ZXDC: variants seen among roughly 807,000 people sequenced by gnomAD.
ZXDC encodes ZXD family zinc finger C.
ZXDC carries 58 observed loss-of-function variants against 63.6 expected under a neutral mutation model. That is an observed-to-expected ratio of 0.91 (90% CI 0.74 to 1.13). The LOEUF (loss-of-function observed/expected upper bound fraction) is 1.13, where lower values mean the gene tolerates loss of function less well. Among genes scored for constraint, ZXDC ranks in the 50% most tolerant of loss-of-function variants. The pLI is 0.00. For synonymous variants in ZXDC, 561 were observed against 496.1 expected (o/e 1.13, Z -1.74); for missense variants, 1,133 against 1,148.9 (o/e 0.99, Z 0.20).
At position 126,461,841 on chromosome 3, in the gene ZXDC, T is replaced by G; in HGVS notation, c.1821A>C (p.Gly607=). ...SVDDVQTVSA[G]ALGCLVALPM... is the part of the protein sequence containing the mutation. ...GCAGAGCCACCAGACAGCCTAATGC[T>G]CCTGCACTCACAGTCTGCACGTCAT... is the stretch of plus-strand genomic sequence containing the variant. The change falls in exon 6 of 10, where the codon GGA becomes GGC. Residue 607 remains glycine (G), a synonymous_variant. Transcript: ENST00000389709. 6.2e-7 allele frequency: 1 copy of G among 1,614,134 alleles called. No individual in the cohort carries two copies. The highest frequency in any genetic ancestry group is 8.5e-7 in the Non-Finnish European group (1 of 1,180,028).
chr3:126,450,218 C>T (rs1237778329), intron 7 of ZXDC: 19 of 411,528 alleles, frequency 4.6e-5, no homozygotes, highest in Admixed American at 2.3e-4. Flanking sequence ...ACCTTGCTCA[C>T]CCTTTACCTG....
At chr3:126,453,643 C>T in intron 7 of ZXDC, 3 of 985,412 alleles carry the variant, frequency 3.0e-6, no homozygotes, top group Non-Finnish European at 3.6e-6. Flanking sequence ...AGAGCTCAAA[C>T]TTATAAACAC....
rs779869003 is a variant in ZXDC at position 126,470,887 on chromosome 3, A to C, written c.1270+8T>G. On this transcript the variant is annotated splice_region_variant and intron_variant, in intron 4 of 9. Transcript: ENST00000389709. Reference sequence around the variant, plus strand: ...GTTTACTGCTCAAAGCAATGTTTTAAAATCTACCTTCCACAGGACACTCGA... The same window carrying C: ...GTTTACTGCTCAAAGCAATGTTTTACAATCTACCTTCCACAGGACACTCGA... The C allele has an allele frequency of 6.2e-7, 1 of 1,613,808 alleles. No individual in the cohort carries two copies. Among genetic ancestry groups the C allele is most frequent in the Admixed American group, 1.7e-5 (1 of 59,960 alleles).
In ZXDC at chr3:126,438,169, A is replaced by C. The variant is rs533341355; in HGVS notation, c.*206T>G. On this transcript the variant is annotated 3_prime_UTR_variant, in exon 10 of 10. Transcript: ENST00000389709. ...GCCTTGCCAAAGCACTTTGCTCACA[A>C]AGGCAGTTTCAAAGAGTATAGCCCG... is the stretch of plus-strand genomic sequence containing the variant. 16 of 594,892 alleles carry C rather than the reference A, an allele frequency of 2.7e-5. No individual in the cohort carries two copies. In the East Asian group the frequency reaches 3.9e-4, roughly 15 times the overall value. The allele number at this position is 594,892 out of a possible 1,614,324, so 36.9% of individuals were successfully genotyped here. A position where few individuals can be genotyped will look rare whatever the true frequency, so the allele number is the denominator to read the frequency against.
rs151063632 is a variant in ZXDC at position 126,448,358 on chromosome 3, G to A, written c.2213-6412C>T. Among the ~76,000 whole-genome samples the A allele has an allele frequency of 4.9e-3, 749 of 152,290 alleles. 7 individuals are homozygous for A. The highest frequency in any genetic ancestry group is 0.037 in the East Asian group (194 of 5,186). ...GGAGCTTACAGCTGCTGGCTGGTGC[G>A]CTCAGTACAGCCGTGCATTTTGCAG... On this transcript the variant is annotated intron_variant, in intron 7 of 9. Transcript: ENST00000389709.
intron 8 of ZXDC, chr3:126,440,040 C>A: frequency 8.3e-7 from 1 of 1,199,854 alleles, no homozygotes; most frequent in Non-Finnish European, 1.0e-6. Context: ...CAACTCCTTG[C>A]AGGTGCCCTG....
At chr3:126,452,200 G>GCCTT in intron 7 of ZXDC, 9 of 985,392 alleles carry the variant, frequency 9.1e-6, no homozygotes, top group Non-Finnish European at 1.1e-5. Context: ...AGCTGCCACA[G>GCCTT]CCTTGCGTGA....
chr3:126,453,156 T>C, intron 7 of ZXDC: 1 of 985,472 alleles, frequency 1.0e-6, no homozygotes, highest in African/African-American at 1.7e-5. Flanking sequence ...TCTGAATGAT[T>C]ACTTGTTTTC....
chr3:126,447,257 A>C (rs1933917464), intron 7 of ZXDC, among the ~76,000 whole-genome samples: 1 of 152,180 alleles, frequency 6.6e-6, no homozygotes, highest in Admixed American at 6.5e-5. Flanking sequence ...TAGCTGGCAG[A>C]CCCTACACAG....
At position 126,472,136 on chromosome 3, in the gene ZXDC, G is replaced by A. The variant is rs762303850; in HGVS notation, c.1060+17C>T. The A allele has an allele frequency of 7.5e-6, 12 of 1,608,478 alleles. No homozygotes were observed. The highest frequency in any genetic ancestry group is 1.6e-4 in the Middle Eastern group (1 of 6,068). Reference sequence around the variant, plus strand: ...CAAATCTTGGGTCCAAATGCTGTGCGTTCCCTAGCTCATTACCTGTATGGC... The same window carrying A: ...CAAATCTTGGGTCCAAATGCTGTGCATTCCCTAGCTCATTACCTGTATGGC... On this transcript the variant is annotated intron_variant, in intron 2 of 9. Coordinates refer to ENST00000389709, the MANE Select transcript of ZXDC (RefSeq NM_025112.5).
At chr3:126,453,291 C>T in intron 7 of ZXDC, 1 of 985,294 alleles carries the variant, frequency 1.0e-6, no homozygotes, top group Non-Finnish European at 1.2e-6. Context: ...TTTAATTGCT[C>T]AGACAGAAAA....
In ZXDC at chr3:126,438,408, T is replaced by A. The variant is rs762889714; in HGVS notation, c.2544A>T (p.Pro848=). 1 of 1,613,800 alleles carries A rather than the reference T, an allele frequency of 6.2e-7. No individual in the cohort carries two copies. The part of the protein sequence containing the change: ...GPAGPEATQF[P]GSTINLQDLQ ...GATCCTGCAGGTTGATAGTGCTTCC[T>A]GGGAACTGGGTGGCCTCCGGTCCAG... The change falls in exon 10 of 10, where the codon CCA becomes CCT. Residue 848 remains proline (P), a synonymous_variant. Transcript: ENST00000389709.
At position 126,466,238 on chromosome 3, in the gene ZXDC, C is replaced by T; in HGVS notation, c.1358G>A (p.Cys453Tyr). ...GAGTCTGTTGCAGGTAGAAACTGGGCAACGGCTTTTCGGAGCACCCACATC... is the reference window on the plus strand; with the variant it reads ...GAGTCTGTTGCAGGTAGAAACTGGGTAACGGCTTTTCGGAGCACCCACATC... The part of the protein sequence containing the change: ...VQDVGAPKSR[C>Y]PVSTCNRLFT... Residue 453 changes from cysteine to tyrosine, a missense_variant, in exon 5 of 10, where the codon TGC becomes TAC. Cys to Tyr is a radical substitution (Grantham distance 194). Transcript: ENST00000389709. The T allele has an allele frequency of 1.2e-6, 2 of 1,614,210 alleles. No individual in the cohort carries two copies. The highest frequency in any genetic ancestry group is 1.7e-6 in the Non-Finnish European group (2 of 1,180,038).
At chr3:126,438,621 T>TG (rs11444454) in intron 9 of ZXDC, among the ~76,000 whole-genome samples, 160 bp from the exon 10 acceptor site, 87,355 of 152,100 alleles carry the variant, frequency 0.57, 26,133 homozygotes, top group African/African-American at 0.76. Context: ...TGTTCTTTGA[T>TG]GAAAAATGAA....
In ZXDC at chr3:126,475,193, G is replaced by C; in HGVS notation, c.673C>G (p.Leu225Val). The C allele has an allele frequency of 6.3e-7, 1 of 1,591,228 alleles. No individual in the cohort carries two copies. The highest frequency in any genetic ancestry group is 8.6e-7 in the Non-Finnish European group (1 of 1,168,950). Reference sequence around the variant, plus strand: ...TCGTGCGACTGCAGGTGCCGCTTGAGCTTGTAGGACGTTGTGAAGGCCCAA... The same window carrying C: ...TCGTGCGACTGCAGGTGCCGCTTGACCTTGTAGGACGTTGTGAAGGCCCAA... ...CGWAFTTSYK[L>V]KRHLQSHDKL... Residue 225 changes from leucine (L) to valine (V), a missense_variant, in exon 1 of 10, where the codon CTC becomes GTC. By Grantham distance (32) the Leu-to-Val change is conservative. Transcript: ENST00000389709.
intron 7 of ZXDC, chr3:126,451,515 C>T: frequency 1.0e-6 from 1 of 985,414 alleles, no homozygotes; most frequent in Non-Finnish European, 1.2e-6. Flanking sequence ...CTCCTGAACA[C>T]ATTACCAAAT....
In ZXDC at chr3:126,475,306, G is replaced by C; in HGVS notation, c.560C>G (p.Ala187Gly). The part of the protein sequence containing the change: ...CPEPQCALAF[A>G]KKHQLKVHLL... ...GTGCACCTTGAGCTGGTGCTTCTTG[G>C]CGAAGGCCAGCGCGCACTGCGGCTC... is the stretch of plus-strand genomic sequence containing the variant. The change falls in exon 1 of 10, where the codon GCC becomes GGC. Residue 187 changes from alanine to glycine, a missense_variant. By Grantham distance (60) the Ala-to-Gly change is moderately conservative. Coordinates refer to ENST00000389709, the MANE Select transcript of ZXDC (RefSeq NM_025112.5). 1.3e-6 allele frequency: 2 copies of C among 1,548,348 alleles called. No individual in the cohort carries two copies. Among genetic ancestry groups the C allele is most frequent in the Non-Finnish European group, 1.7e-6 (2 of 1,145,988 alleles).
chr3:126,455,064 C>T (rs993523400), intron 7 of ZXDC: 1 of 985,312 alleles, frequency 1.0e-6, no homozygotes, highest in African/African-American at 1.7e-5. Flanking sequence ...CATTAACAGT[C>T]CTGTTACACT....
rs535114968 is a variant in ZXDC at position 126,462,361 on chromosome 3, G to A, written c.1442-141C>T. Reference sequence around the variant, plus strand: ...CCACACCCTGAAGCTTGGTTATCACGACAGAGTCCCATGGCCGGTCGCTCA... The same window carrying A: ...CCACACCCTGAAGCTTGGTTATCACAACAGAGTCCCATGGCCGGTCGCTCA... On this transcript the variant is annotated intron_variant, in intron 5 of 9. Coordinates refer to ENST00000389709, the MANE Select transcript of ZXDC (RefSeq NM_025112.5). 1,776 of 1,396,234 alleles carry A rather than the reference G, an allele frequency of 1.3e-3. 5 individuals carry two copies. The highest frequency in any genetic ancestry group is 1.7e-3 in the Admixed American group (59 of 34,816). 86.5% of individuals were successfully genotyped at this position (1,396,234 alleles called of 1,614,324 possible). A position where few individuals can be genotyped will look rare whatever the true frequency, so the allele number is the denominator to read the frequency against.
Sources: allele counts gnomAD v4.1 joint callset (sites outside exome capture counted in the v4.1 genomes callset), GRCh38; gene constraint gnomAD v4.1.1; transcripts MANE v1.5; gene names NCBI Gene and HGNC (gene_info 2026-07-23, HGNC 2026-07-21).